PHB2: variants seen among roughly 807,000 people sequenced by gnomAD.
The protein encoded by PHB2 is prohibitin 2, also known as prohibitin-2.
A neutral mutation model predicts 46.4 loss-of-function variants in PHB2; 22 were observed. That is an observed-to-expected ratio of 0.47 (90% CI 0.34 to 0.68). The LOEUF (loss-of-function observed/expected upper bound fraction) is 0.68. Among genes scored for constraint, PHB2 ranks in the 30% least tolerant of loss-of-function variants. The probability of loss-of-function intolerance (pLI) is 0.01; values close to 1 mark genes in which losing one functional copy is unlikely to be tolerated. For missense variants in PHB2, 305 were observed against 382.8 expected (o/e 0.80, Z 1.70); for synonymous variants, 156 against 150.5 (o/e 1.04, Z -0.27).
intron 2 of PHB2, among the ~76,000 whole-genome samples, 191 bp from the exon 3 acceptor site, chr12:6,969,768 G>A (rs1211594428): frequency 2.0e-5 from 3 of 151,966 alleles, no homozygotes; most frequent in African/African-American, 4.8e-5. Flanking sequence ...GCGTGGTGGC[G>A]GGCGCCTGTA....
chr12:6,969,424 T>A, intron 3 of PHB2, 74 bp downstream of exon 3: 1 of 773,488 alleles, frequency 1.3e-6, no homozygotes, highest in Non-Finnish European at 2.2e-6. Context: ...GACACTACCA[T>A]ATTCCCCTGG....
In PHB2 at chr12:6,966,425, TG is replaced by T; in HGVS notation, c.864del (p.Arg289GlyfsTer31). 1 of 1,590,290 alleles carries T rather than the reference TG, an allele frequency of 6.3e-7. No individual in the cohort carries two copies. The highest frequency in any genetic ancestry group is 1.3e-5 in the African/African-American group (1 of 74,580). On this transcript the variant is annotated frameshift_variant and splice_region_variant, in exon 8 of 10. Coordinates refer to ENST00000535923, the MANE Select transcript of PHB2 (RefSeq NM_001144831.2). LOFTEE classifies it high-confidence loss of function. Reference sequence around the variant, plus strand: ...CCACAGTGTGGCCACATCTCTCACCTGGTGAAACTTTCATCCTGTAGGTTCA... The same window carrying T: ...CCACAGTGTGGCCACATCTCTCACCTGTGAAACTTTCATCCTGTAGGTTCA... Reference protein sequence around the residue: ...LVLNLQDESFTRGSDSLIKGK... With the variant: ...LVLNLQDESFXRGSDSLIKGK...
At chr12:6,966,249 C>G (rs940668075) in intron 8 of PHB2, among the ~76,000 whole-genome samples, 175 bp downstream of exon 8, 2 of 152,190 alleles carry the variant, frequency 1.3e-5, no homozygotes, top group Non-Finnish European at 1.5e-5. Flanking sequence ...CCTATTTGAT[C>G]TCATAAAATC....
At position 6,967,144 on chromosome 12, in the gene PHB2, T is replaced by A; in HGVS notation, c.789+27A>T. ...AAAGCACTTTCTCAAGGCAGCCCCATCAGAGACGCTGGGCTGACACACTCA... is the reference window on the plus strand; with the variant it reads ...AAAGCACTTTCTCAAGGCAGCCCCAACAGAGACGCTGGGCTGACACACTCA... On this transcript the variant is annotated intron_variant, in intron 7 of 9. Coordinates refer to ENST00000535923, the MANE Select transcript of PHB2 (RefSeq NM_001144831.2). The surrounding 1 kb of genome is among the most constrained non-coding windows in gnomAD (Gnocchi z 4.9). The A allele has an allele frequency of 1.3e-6, 2 of 1,538,112 alleles. No individual in the cohort carries two copies. The highest frequency in any genetic ancestry group is 1.8e-6 in the Non-Finnish European group (2 of 1,133,700).
chr12:6,968,687 T>TACA, intron 3 of PHB2, 92 bp from the exon 4 acceptor site: 1 of 995,722 alleles, frequency 1.0e-6, no homozygotes, highest in Non-Finnish European at 1.5e-6. Context: ...CCCTGTGCAA[T>TACA]GGTGTACAGC....
rs1565589890 is a variant in PHB2 at position 6,967,576 on chromosome 12, G to A, written c.711+100C>T. The A allele has an allele frequency of 9.7e-7, 1 of 1,025,644 alleles. No individual in the cohort carries two copies. Among genetic ancestry groups the A allele is most frequent in the East Asian group, 2.4e-5 (1 of 42,274 alleles). 63.5% of individuals were successfully genotyped at this position (1,025,644 alleles called of 1,614,324 possible). A position where few individuals can be genotyped will look rare whatever the true frequency, so the allele number is the denominator to read the frequency against. ...AAGGAGCCAAGGGCCAGAGAGCACG[G>A]AGTCGCATTCGCCTTAGTCTCATCA... On this transcript the variant is annotated intron_variant, in intron 6 of 9. Coordinates refer to ENST00000535923, the MANE Select transcript of PHB2 (RefSeq NM_001144831.2). This position sits in a 1 kb window ranked among gnomAD's most constrained non-coding sequence, Gnocchi z 4.9.
chr12:6,970,590 GCCCGCCTCTAC>G lies in PHB2; in HGVS notation c.-58_-48del. On this transcript the variant is annotated 5_prime_UTR_variant, in exon 1 of 10. Coordinates refer to ENST00000535923, the MANE Select transcript of PHB2 (RefSeq NM_001144831.2). ...CACTGGAGGTCAGAAGGGGGTGCCG[GCCCGCCTCTAC>G]CCCGCTCCGGCTTAGGTACTGCACC... 1 of 1,514,268 alleles carries G rather than the reference GCCCGCCTCTAC, an allele frequency of 6.6e-7. No homozygotes were observed. The highest frequency in any genetic ancestry group is 8.8e-7 in the Non-Finnish European group (1 of 1,138,070). 93.8% of individuals were successfully genotyped at this position (1,514,268 alleles called of 1,614,324 possible).
At position 6,967,872 on chromosome 12, in the gene PHB2, C is replaced by G. The variant is rs782540591; in HGVS notation, c.607+20G>C. The stretch of plus-strand genomic sequence containing the variant: ...CTCCTGCATCTCAGAAGCCCTCACC[C>G]CACGGCTCTTGCGACTCACCCACTT... On this transcript the variant is annotated intron_variant, in intron 5 of 9. Transcript: ENST00000535923. The surrounding 1 kb of genome is among the most constrained non-coding windows in gnomAD (Gnocchi z 4.9). 3.1e-6 allele frequency: 5 copies of G among 1,612,960 alleles called. No homozygotes were observed. Among genetic ancestry groups the G allele is most frequent in the Non-Finnish European group, 4.2e-6 (5 of 1,179,344 alleles).
chr12:6,965,815 G>A, intron 9 of PHB2, 96 bp downstream of exon 9: 1 of 1,564,500 alleles, frequency 6.4e-7, no homozygotes, highest in Non-Finnish European at 8.8e-7. Context: ...CCCTGATTGA[G>A]GGTTTGTCTT....
chr12:6,968,706 A>G, intron 3 of PHB2, 111 bp from the exon 4 acceptor site: 2 of 836,444 alleles, frequency 2.4e-6, no homozygotes, highest in Non-Finnish European at 4.0e-6. Context: ...GCCTGGCACT[A>G]CCCTGGGGGG....
Position 6,967,189 on chromosome 12 carries a change from G to T in PHB2, c.771C>A (p.Ala257=). 6.3e-7 allele frequency: 1 copy of T among 1,586,928 alleles called. No individual in the cohort carries two copies. Among genetic ancestry groups the T allele is most frequent in the East Asian group, 2.3e-5 (1 of 43,614 alleles). ...CACTCACCGTCTTGGAGATATTCTG[G>T]GCTGCTCGAATCTTGCGAAGTTTGA... is the stretch of plus-strand genomic sequence containing the variant. ...GYIKLRKIRA[A]QNISKTIATS... The change falls in exon 7 of 10, where the codon GCC becomes GCA. Residue 257 remains alanine, a synonymous_variant. Transcript: ENST00000535923. The surrounding 1 kb of genome is among the most constrained non-coding windows in gnomAD (Gnocchi z 4.9).
chr12:6,968,676 G>T, intron 3 of PHB2, 81 bp from the exon 4 acceptor site: 1 of 1,112,840 alleles, frequency 9.0e-7, no homozygotes, highest in Non-Finnish European at 1.3e-6. Flanking sequence ...CTCCCTGTAT[G>T]CCCTGTGCAA....
In PHB2 at chr12:6,965,625, CCTCA is replaced by C; in HGVS notation, c.*56_*59del. On this transcript the variant is annotated 3_prime_UTR_variant, in exon 10 of 10. Transcript: ENST00000535923. The stretch of plus-strand genomic sequence containing the variant: ...GGCTGTGCTGGACCCCTGGCTGGCT[CCTCA>C]AAAACTGGAGAAGCAGATCCACTTC... The C allele has an allele frequency of 6.9e-7, 1 of 1,457,874 alleles. No homozygotes were observed. Among genetic ancestry groups the C allele is most frequent in the South Asian group, 1.2e-5 (1 of 85,362 alleles). The allele number at this position is 1,457,874 out of a possible 1,614,324, so 90.3% of individuals were successfully genotyped here. A position where few individuals can be genotyped will look rare whatever the true frequency, so the allele number is the denominator to read the frequency against.
Position 6,970,637 on chromosome 12 carries a change from G to C in PHB2, c.-94C>G. The C allele has an allele frequency of 7.1e-7, 1 of 1,417,426 alleles. No individual in the cohort carries two copies. Among genetic ancestry groups the C allele is most frequent in the Non-Finnish European group, 9.5e-7 (1 of 1,056,026 alleles). The allele number at this position is 1,417,426 out of a possible 1,614,324, so 87.8% of individuals were successfully genotyped here. On this transcript the variant is annotated 5_prime_UTR_variant, in exon 1 of 10. Transcript: ENST00000535923. Reference sequence around the variant, plus strand: ...CTTAGGTACTGCACCCTTCACACGAGGGTTCGGGCCCGTAAGGCTGGCGAA... The same window carrying C: ...CTTAGGTACTGCACCCTTCACACGACGGTTCGGGCCCGTAAGGCTGGCGAA...
chr12:6,969,511 A>T lies in PHB2; in HGVS notation c.279T>A (p.Pro93=). 1 of 1,600,870 alleles carries T rather than the reference A, an allele frequency of 6.2e-7. No homozygotes were observed. The highest frequency in any genetic ancestry group is 8.6e-7 in the Non-Finnish European group (1 of 1,168,938). Residue 93 remains proline, a synonymous_variant, in exon 3 of 10, where the codon CCT becomes CCA. Coordinates refer to ENST00000535923, the MANE Select transcript of PHB2 (RefSeq NM_001144831.2). ...IRARPRKISS[P]TGSKDLQMVN... is the part of the protein sequence containing the mutation. Reference sequence around the variant, plus strand: ...GCTCAGACCTACCTTTGGAGCCTGTAGGGGAGGAGATTTTTCGAGGTCTGG... The same window carrying T: ...GCTCAGACCTACCTTTGGAGCCTGTTGGGGAGGAGATTTTTCGAGGTCTGG...
At chr12:6,968,081 AG>A in intron 4 of PHB2, 60 bp from the exon 5 acceptor site, 1 of 1,495,398 alleles carries the variant, frequency 6.7e-7, no homozygotes, top group Non-Finnish European at 9.1e-7. Context: ...GGGAGCTGAA[AG>A]GAAGGTTGCG....
intron 3 of PHB2, among the ~76,000 whole-genome samples, chr12:6,969,093 C>T (rs1946268562): frequency 2.0e-5 from 3 of 151,978 alleles, no homozygotes; most frequent in Admixed American, 2.0e-4. Flanking sequence ...CTCAAAGGCA[C>T]GGCTTTTATG....
At position 6,965,906 on chromosome 12, in the gene PHB2, C is replaced by G. The variant is rs782655749; in HGVS notation, c.872+5G>C. On this transcript the variant is annotated splice_donor_5th_base_variant and intron_variant, in intron 9 of 9. Coordinates refer to ENST00000535923, the MANE Select transcript of PHB2 (RefSeq NM_001144831.2). ...CAGGACCCCACAGAAGCAACAACAG[C>G]TTACCTTCCCCTGTGGTGCCAGATC... The G allele has an allele frequency of 6.3e-7, 1 of 1,599,000 alleles. No individual in the cohort carries two copies. Among genetic ancestry groups the G allele is most frequent in the Non-Finnish European group, 8.5e-7 (1 of 1,179,488 alleles).
intron 3 of PHB2, among the ~76,000 whole-genome samples, chr12:6,969,173 C>G (rs1418597792): frequency 2.6e-5 from 4 of 151,860 alleles, no homozygotes; most frequent in Non-Finnish European, 4.4e-5. Context: ...ACAGAGTGTA[C>G]TAGTGGATGT....
Sources: allele counts gnomAD v4.1 joint callset (sites outside exome capture counted in the v4.1 genomes callset), GRCh38; gene constraint gnomAD v4.1.1; non-coding constraint Gnocchi (gnomAD v3.1); transcripts MANE v1.5; gene names NCBI Gene and HGNC (gene_info 2026-07-23, HGNC 2026-07-21).